Variants in TMEM260 observed in about 807,000 individuals in gnomAD.
TMEM260 encodes the protein protein O-mannosyl-transferase TMEM260.
TMEM260 carries 82 observed loss-of-function variants against 88.9 expected under a neutral mutation model. The observed-to-expected ratio is 0.92, with a 90% CI of 0.77 to 1.11. The LOEUF is 1.11. TMEM260 is among the 50% of genes least tolerant of loss of function. The probability of loss-of-function intolerance (pLI) is 0.00; values close to 1 mark genes in which losing one functional copy is unlikely to be tolerated. For missense variants in TMEM260, 902 were observed against 853.4 expected, an observed-to-expected ratio of 1.06 and a Z score of -0.71; for synonymous variants, 314 against 309.3, an observed-to-expected ratio of 1.02 and a Z score of -0.16.
At chr14:56,654,094 A>G (rs1310482969), downstream of TMEM260, among the ~76,000 whole-genome samples, 14 of 152,158 alleles carry the variant, frequency 9.2e-5, no homozygotes, top group Admixed American at 9.2e-4. Context: ...TAAAAGCTAT[A>G]CGTTGAACTT....
At chr14:56,641,449 A>G (rs936226030) in intron 15 of TMEM260, among the ~76,000 whole-genome samples, 6 of 152,216 alleles carry the variant, frequency 3.9e-5, no homozygotes, top group Non-Finnish European at 8.8e-5. Flanking sequence ...AAAATCCTTT[A>G]CAGACAAGCA....
At chr14:56,645,593 T>C (rs894122812) in intron 15 of TMEM260, among the ~76,000 whole-genome samples, 12 of 151,864 alleles carry the variant, frequency 7.9e-5, no homozygotes, top group Non-Finnish European at 1.8e-4. Flanking sequence ...TGTATACATA[T>C]GTAACAAACC....
chr14:56,602,669 T>G (rs901515446), intron 3 of TMEM260, among the ~76,000 whole-genome samples: 1 of 152,062 alleles, frequency 6.6e-6, no homozygotes, highest in Non-Finnish European at 1.5e-5. Context: ...GAAATAATAA[T>G]GTGTTGAATC....
At chr14:56,606,427 A>C (rs1405343598) in intron 5 of TMEM260, among the ~76,000 whole-genome samples, 1 of 152,230 alleles carries the variant, frequency 6.6e-6, no homozygotes, top group Non-Finnish European at 1.5e-5. Context: ...TCAGAATTAT[A>C]ATAGAAAACA....
the TMEM260 span, among the ~76,000 whole-genome samples, chr14:56,657,874 A>T: frequency 2.4e-4 from 36 of 152,242 alleles, no homozygotes; most frequent in African/African-American, 8.4e-4. Context: ...TCCCACACCA[A>T]CATGAGTAAT....
At chr14:56,631,034 A>T (rs1888557007) in intron 12 of TMEM260, among the ~76,000 whole-genome samples, 1 of 152,170 alleles carries the variant, frequency 6.6e-6, no homozygotes, top group African/African-American at 2.4e-5. Context: ...AATTCTTGCC[A>T]CCTCAGAAGA....
At position 56,579,829 on chromosome 14, in the gene TMEM260, C is replaced by G. The variant is rs1040183081; in HGVS notation, c.-86C>G. The stretch of plus-strand genomic sequence containing the variant: ...GAAGCCGCCGTGGCCGCCGCACAAG[C>G]TGCGCTCGTCTCTCGGCTGGGGAGC... On this transcript the variant is annotated 5_prime_UTR_variant, in exon 1 of 16. Coordinates refer to ENST00000261556, the MANE Select transcript of TMEM260 (RefSeq NM_017799.4). 8 of 1,198,004 alleles carry G rather than the reference C, an allele frequency of 6.7e-6. No homozygotes were observed. The highest frequency in any genetic ancestry group is 1.6e-5 in the African/African-American group (1 of 63,646). The allele number at this position is 1,198,004 out of a possible 1,614,324, so 74.2% of individuals were successfully genotyped here. A position where few individuals can be genotyped will look rare whatever the true frequency, so the allele number is the denominator to read the frequency against.
intron 12 of TMEM260, among the ~76,000 whole-genome samples, chr14:56,629,927 A>T (rs1052807953): frequency 6.6e-6 from 1 of 152,082 alleles, no homozygotes; most frequent in African/African-American, 2.4e-5. Context: ...TGTGGTCCCA[A>T]CTACTTGGGC....
chr14:56,624,966 C>G (rs1330464333), intron 11 of TMEM260, among the ~76,000 whole-genome samples: 1 of 152,172 alleles, frequency 6.6e-6, no homozygotes, highest in Non-Finnish European at 1.5e-5. Flanking sequence ...GAGCATGCAG[C>G]TTAGATCTCT....
intron 1 of TMEM260, 119 bp from the exon 2 acceptor site, chr14:56,584,882 T>G (rs1885386774): frequency 2.7e-6 from 2 of 745,610 alleles, no homozygotes; most frequent in Admixed American, 2.7e-5. Flanking sequence ...CTCTACAGAT[T>G]TACAGTTTTA....
At chr14:56,595,315 T>G (rs1886137668) in intron 3 of TMEM260, among the ~76,000 whole-genome samples, 3 of 152,272 alleles carry the variant, frequency 2.0e-5, no homozygotes, top group Non-Finnish European at 4.4e-5. Flanking sequence ...ATATGTAGTG[T>G]CTTATTGATA....
At chr14:56,579,655 A>G, upstream of TMEM260, 2 of 382,402 alleles carry the variant, frequency 5.2e-6, no homozygotes, top group Non-Finnish European at 9.2e-6. Context: ...GTGATTAGGA[A>G]CCTTAAATCA....
intron 11 of TMEM260, among the ~76,000 whole-genome samples, chr14:56,625,030 C>G (rs953870305): frequency 6.6e-6 from 1 of 152,164 alleles, no homozygotes; most frequent in East Asian, 1.9e-4. Context: ...AATGCTGCCA[C>G]TGATCTGACA....
chr14:56,621,515 G>A lies in TMEM260; in HGVS notation c.1227-16G>A, dbSNP rs1421027061. ...AAAGTGTTGCTATTTTAATTTTTTT[G>A]GATCCTTTTATTTAGTGTTTGTGAC... is the stretch of plus-strand genomic sequence containing the variant. On this transcript the variant is annotated splice_polypyrimidine_tract_variant and intron_variant, in intron 10 of 15. Coordinates refer to ENST00000261556, the MANE Select transcript of TMEM260 (RefSeq NM_017799.4). 6.4e-7 allele frequency: 1 copy of A among 1,571,280 alleles called. No individual in the cohort carries two copies. Among genetic ancestry groups the A allele is most frequent in the South Asian group, 1.2e-5 (1 of 83,050 alleles).
intron 3 of TMEM260, among the ~76,000 whole-genome samples, chr14:56,601,477 G>C (rs1200824578): frequency 2.0e-5 from 3 of 152,064 alleles, no homozygotes; most frequent in Admixed American, 2.0e-4. Context: ...GTGTCTGACA[G>C]TTTTCACCAC....
chr14:56,642,205 A>G (rs564834604), intron 15 of TMEM260, among the ~76,000 whole-genome samples: 1 of 152,204 alleles, frequency 6.6e-6, no homozygotes, highest in Non-Finnish European at 1.5e-5. Context: ...CAGAATATAC[A>G]TTCTTCTCAG....
At chr14:56,643,564 G>T (rs1166050018) in intron 15 of TMEM260, among the ~76,000 whole-genome samples, 1 of 152,108 alleles carries the variant, frequency 6.6e-6, no homozygotes, top group African/African-American at 2.4e-5. Context: ...TACTGAATGG[G>T]CAAAAACTGG....
intron 15 of TMEM260, among the ~76,000 whole-genome samples, chr14:56,646,454 A>G (rs1889972424): frequency 6.6e-6 from 1 of 152,232 alleles, no homozygotes; most frequent in Admixed American, 6.5e-5. Flanking sequence ...CAAGTAAGCA[A>G]CTATAATATT....
intron 3 of TMEM260, among the ~76,000 whole-genome samples, chr14:56,603,188 T>C (rs891723301): frequency 3.3e-5 from 5 of 152,136 alleles, no homozygotes; most frequent in East Asian, 1.9e-4. Flanking sequence ...TCTGGTGTTA[T>C]TGAAATTCAC....
Sources: allele counts gnomAD v4.1 joint callset (sites outside exome capture counted in the v4.1 genomes callset), GRCh38; gene constraint gnomAD v4.1.1; transcripts MANE v1.5; gene names NCBI Gene and HGNC (gene_info 2026-07-23, HGNC 2026-07-21).